Variants in IRAK2 observed in about 807,000 individuals in gnomAD.
IRAK2 encodes the protein interleukin 1 receptor associated kinase 2, also known as interleukin-1 receptor-associated kinase-like 2.
In IRAK2, 57 loss-of-function variants were observed where a neutral mutation model predicts 72.0. The observed-to-expected ratio is 0.79, with a 90% CI of 0.64 to 0.99. IRAK2 has a LOEUF of 0.99. IRAK2 is among the 50% of genes least tolerant of loss of function. IRAK2 has a pLI of 0.00. For synonymous variants in IRAK2, 293 were observed against 312.7 expected (o/e 0.94, Z 0.67); for missense variants, 790 against 794.4 (o/e 0.99, Z 0.07).
Position 10,238,817 on chromosome 3 carries a change from C to T in IRAK2, c.1543C>T (p.Leu515Phe), listed in dbSNP as rs1046620714. Residue 515 changes from leucine (L) to phenylalanine (F), a missense_variant, in exon 12 of 13, where the codon CTT becomes TTT. Coordinates refer to ENST00000256458, the MANE Select transcript of IRAK2 (RefSeq NM_001570.4). Reference protein sequence around the residue: ...GRETLLPWSGLSEGTGSSSNT... With the variant: ...GRETLLPWSGFSEGTGSSSNT... ...GGAGACGTTGCTCCCTTGGAGTGGG[C>T]TTTCTGAGGGTACAGGCTCTTCTTC... is the stretch of plus-strand genomic sequence containing the variant. The T allele has an allele frequency of 6.2e-7, 1 of 1,614,090 alleles. No homozygotes were observed. Among genetic ancestry groups the T allele is most frequent in the Non-Finnish European group, 8.5e-7 (1 of 1,179,976 alleles).
At chr3:10,206,367 G>T (rs564295180) in intron 3 of IRAK2, among the ~76,000 whole-genome samples, 1 of 152,274 alleles carries the variant, frequency 6.6e-6, no homozygotes, top group Admixed American at 6.5e-5. Flanking sequence ...GCAGCTGGGG[G>T]TCTCCAGCTC....
At chr3:10,216,565 G>A (rs1345343687) in intron 6 of IRAK2, among the ~76,000 whole-genome samples, 1 of 152,184 alleles carries the variant, frequency 6.6e-6, no homozygotes, top group East Asian at 1.9e-4. Context: ...ACCAGCAGAA[G>A]AGGATTTCAG....
At position 10,183,720 on chromosome 3, in the gene IRAK2, A is replaced by AAAATAAATAAATAAATAAATAAAT. The variant is rs71055805; in HGVS notation, c.277+5703_277+5726dup. 8.5e-4 allele frequency among the ~76,000 whole-genome samples: 128 copies of AAAATAAATAAATAAATAAATAAAT among 151,090 alleles called. 1 individual carries two copies. Among genetic ancestry groups the AAAATAAATAAATAAATAAATAAAT allele is most frequent in the African/African-American group, 2.4e-3 (99 of 41,062 alleles). On this transcript the variant is annotated intron_variant, in intron 2 of 12. Coordinates refer to ENST00000256458, the MANE Select transcript of IRAK2 (RefSeq NM_001570.4). ...TGGCGGCAGAGCGAGACTCCGTCTC[A>AAAATAAATAAATAAATAAATAAAT]AAATAAATAAATAAATAAATAAATA...
intron 6 of IRAK2, among the ~76,000 whole-genome samples, chr3:10,216,548 A>T (rs1319126241): frequency 6.6e-6 from 1 of 152,080 alleles, no homozygotes; most frequent in Non-Finnish European, 1.5e-5. Context: ...GGGAATGGTG[A>T]CTGAGAACCA....
intron 2 of IRAK2, among the ~76,000 whole-genome samples, chr3:10,198,532 C>T (rs1263416810): frequency 6.6e-6 from 1 of 152,204 alleles, no homozygotes; most frequent in Non-Finnish European, 1.5e-5. Flanking sequence ...TTTTACTTGA[C>T]ACAAGTCATT....
At chr3:10,240,616 A>C (rs1698042740) in intron 12 of IRAK2, among the ~76,000 whole-genome samples, 1 of 114,806 alleles carries the variant, frequency 8.7e-6, no homozygotes, top group Admixed American at 1.3e-4. Context: ...CTGGAGTATA[A>C]TGGTGTGATC....
chr3:10,200,490 G>A lies in IRAK2; in HGVS notation c.399G>A (p.Val133=). 6.3e-7 allele frequency: 1 copy of A among 1,585,764 alleles called. No individual in the cohort carries two copies. Among genetic ancestry groups the A allele is most frequent in the African/African-American group, 1.4e-5 (1 of 74,008 alleles). ...ATGAACAGGAAGAGGGGCAGCCTGT[G>A]AGGATGGCCACCTTTCCAGGCCCAG... ...AEDEQEEGQP[V]RMATFPGPGS... Residue 133 remains valine, a synonymous_variant, in exon 3 of 13, where the codon GTG becomes GTA. Transcript: ENST00000256458.
intron 4 of IRAK2, among the ~76,000 whole-genome samples, chr3:10,210,406 G>A (rs186772776): frequency 1.3e-5 from 2 of 152,194 alleles, no homozygotes; most frequent in East Asian, 1.9e-4. Flanking sequence ...ATATTGGTAC[G>A]AAGATAAATA....
Position 10,209,578 on chromosome 3 carries a change from C to G in IRAK2, c.425-11C>G, listed in dbSNP as rs777503199. ...GAGGCTGCATCCTGACCCATAGTCC[C>G]TCCTTTCCAGGGTCCTCTCCAGCCA... is the stretch of plus-strand genomic sequence containing the variant. On this transcript the variant is annotated splice_polypyrimidine_tract_variant and intron_variant, in intron 3 of 12. Transcript: ENST00000256458. The G allele has an allele frequency of 1.3e-6, 2 of 1,535,886 alleles. No individual in the cohort carries two copies. The highest frequency in any genetic ancestry group is 2.8e-5 in the African/African-American group (2 of 70,258).
intron 2 of IRAK2, among the ~76,000 whole-genome samples, chr3:10,179,146 A>C (rs17610830): frequency 6.6e-6 from 1 of 152,024 alleles, no homozygotes; most frequent in Non-Finnish European, 1.5e-5. Flanking sequence ...TTCACCTAGC[A>C]AAGACCTTGG....
rs201816879 is a variant in IRAK2, at chr3:10,239,046, C to T, written c.1765+7C>T. ...CTGGAGCCTCCCCAGGATGGTAAGCCGGAAGTCAGAGTGCATTTGGATGCT... is the reference window on the plus strand; with the variant it reads ...CTGGAGCCTCCCCAGGATGGTAAGCTGGAAGTCAGAGTGCATTTGGATGCT... On this transcript the variant is annotated splice_region_variant and intron_variant, in intron 12 of 12. Coordinates refer to ENST00000256458, the MANE Select transcript of IRAK2 (RefSeq NM_001570.4). 3.3e-5 allele frequency: 52 copies of T among 1,576,062 alleles called. No homozygotes were observed. Among genetic ancestry groups the T allele is most frequent in the East Asian group, 4.5e-5 (2 of 44,454 alleles).
In IRAK2 at chr3:10,200,385, A is replaced by T; in HGVS notation, c.294A>T (p.Glu98Asp). The change falls in exon 3 of 13, where the codon GAA (glutamate) becomes GAT (aspartate). Residue 98 changes from glutamate (E) to aspartate (D), a missense_variant. Glu to Asp is a conservative substitution (Grantham distance 45). Transcript: ENST00000256458. ...QIILNWKPAPEIRCPIPAFPD... is the reference protein window; with the variant it reads ...QIILNWKPAPDIRCPIPAFPD... Reference sequence around the variant, plus strand: ...TGTTTTCAGGGAAACCGGCTCCTGAAATCAGGTGTCCCATTCCAGCCTTCC... The same window carrying T: ...TGTTTTCAGGGAAACCGGCTCCTGATATCAGGTGTCCCATTCCAGCCTTCC... 2.5e-6 allele frequency: 4 copies of T among 1,588,680 alleles called. No homozygotes were observed. In the South Asian group the frequency reaches 4.5e-5, roughly 18 times the overall value.
At chr3:10,177,550 G>A (rs1167357882) in intron 1 of IRAK2, among the ~76,000 whole-genome samples, 2 of 152,168 alleles carry the variant, frequency 1.3e-5, no homozygotes, top group African/African-American at 2.4e-5. Context: ...AGGCTCCCAC[G>A]GGCGCAGTGA....
chr3:10,194,122 C>T (rs918124457), intron 2 of IRAK2, among the ~76,000 whole-genome samples: 5 of 152,332 alleles, frequency 3.3e-5, no homozygotes, highest in African/African-American at 9.6e-5. Context: ...AGCCCTGGGA[C>T]GGCCCTGGGA....
At chr3:10,201,478 C>G (rs1697359524) in intron 3 of IRAK2, among the ~76,000 whole-genome samples, 2 of 152,270 alleles carry the variant, frequency 1.3e-5, no homozygotes, top group Non-Finnish European at 2.9e-5. Flanking sequence ...TCTGCTGAAG[C>G]CCAGAGAGGG....
chr3:10,180,954 G>C (rs1696951067), intron 2 of IRAK2, among the ~76,000 whole-genome samples: 1 of 152,158 alleles, frequency 6.6e-6, no homozygotes, highest in South Asian at 2.1e-4. Context: ...CGGGAATGGG[G>C]CGATCTGGCT....
rs771281583 is a variant in IRAK2, at chr3:10,238,890, C to G, written c.1616C>G (p.Ala539Gly). Reference sequence around the variant, plus strand: ...GACGTTGACAATTCCAGCCTTGATGCCTCCTCCTCCATGAGTGTGGCACCC... The same window carrying G: ...GACGTTGACAATTCCAGCCTTGATGGCTCCTCCTCCATGAGTGTGGCACCC... The part of the protein sequence containing the change: ...TDDVDNSSLD[A>G]SSSMSVAPWA... The change falls in exon 12 of 13, where the codon GCC (alanine) becomes GGC (glycine). Residue 539 changes from alanine to glycine, a missense_variant. Physicochemically the swap from Ala to Gly is moderately conservative, Grantham distance 60. Transcript: ENST00000256458. The G allele has an allele frequency of 3.1e-6, 5 of 1,613,996 alleles. No individual in the cohort carries two copies. Among genetic ancestry groups the G allele is most frequent in the Admixed American group, 1.7e-5 (1 of 59,998 alleles).
intron 3 of IRAK2, among the ~76,000 whole-genome samples, chr3:10,208,967 C>T (rs1697476475): frequency 6.6e-6 from 1 of 151,992 alleles, no homozygotes; most frequent in Non-Finnish European, 1.5e-5. Context: ...AGCCCCGGGC[C>T]CTTCTACTGC....
chr3:10,215,746 A>C (rs950259678), intron 6 of IRAK2, among the ~76,000 whole-genome samples: 5 of 118,752 alleles, frequency 4.2e-5, no homozygotes, highest in African/African-American at 1.4e-4. Flanking sequence ...GAATACTCAC[A>C]TGTGTACACA....
Sources: allele counts gnomAD v4.1 joint callset (sites outside exome capture counted in the v4.1 genomes callset), GRCh38; gene constraint gnomAD v4.1.1; transcripts MANE v1.5; gene names NCBI Gene and HGNC (gene_info 2026-07-23, HGNC 2026-07-21).